Variants in RSPO2 observed in about 807,000 individuals in gnomAD.
RSPO2 encodes the protein R-spondin 2, also known as R-spondin-2.
RSPO2 carries 14 observed loss-of-function variants against 30.9 expected under a neutral mutation model. The ratio of observed to expected loss-of-function variants is 0.45; its 90% CI spans 0.30 to 0.71. The LOEUF (loss-of-function observed/expected upper bound fraction) is 0.71, where lower values mean the gene tolerates loss of function less well. Among genes scored for constraint, RSPO2 ranks in the 30% least tolerant of loss-of-function variants. RSPO2 has a pLI of 0.08. For missense variants in RSPO2, 264 were observed against 301.9 expected, an observed-to-expected ratio of 0.87 and a Z score of 0.93; for synonymous variants, 107 against 96.4, an observed-to-expected ratio of 1.11 and a Z score of -0.64.
At chr8:107,978,294 G>GT (rs1402786328) in intron 3 of RSPO2, among the ~76,000 whole-genome samples, 1 of 152,114 alleles carries the variant, frequency 6.6e-6, no homozygotes, top group Non-Finnish European at 1.5e-5. Flanking sequence ...GGGCATGGTG[G>GT]TTGGCATCTG....
chr8:107,916,730 AG>A (rs1355236428), intron 5 of RSPO2, among the ~76,000 whole-genome samples: 2 of 152,182 alleles, frequency 1.3e-5, no homozygotes, highest in East Asian at 3.9e-4. Context: ...TAAGATTTGA[AG>A]GGAATTATTT....
At chr8:107,976,043 G>T (rs568281136) in intron 3 of RSPO2, among the ~76,000 whole-genome samples, 1 of 152,312 alleles carries the variant, frequency 6.6e-6, no homozygotes, top group African/African-American at 2.4e-5. Context: ...CAGCTGGCAG[G>T]AGCCTGTTAA....
chr8:107,965,901 C>T (rs918752664), intron 3 of RSPO2, among the ~76,000 whole-genome samples: 1 of 152,280 alleles, frequency 6.6e-6, no homozygotes, highest in Admixed American at 6.5e-5. Flanking sequence ...GAGAATGTAA[C>T]TATCAAAGGA....
chr8:107,993,973 G>C (rs917935528), intron 2 of RSPO2, among the ~76,000 whole-genome samples: 1 of 151,846 alleles, frequency 6.6e-6, no homozygotes, highest in Non-Finnish European at 1.5e-5. Flanking sequence ...CATCATCTTC[G>C]TTGCATCTGC....
chr8:108,073,892 T>C (rs1367036635), intron 2 of RSPO2, among the ~76,000 whole-genome samples: 2 of 152,216 alleles, frequency 1.3e-5, no homozygotes, highest in Non-Finnish European at 2.9e-5. Context: ...AAAACAATTA[T>C]GTGTATCACT....
At chr8:107,913,709 CAT>C (rs1811892276) in intron 5 of RSPO2, among the ~76,000 whole-genome samples, 1 of 150,066 alleles carries the variant, frequency 6.7e-6, no homozygotes, top group Non-Finnish European at 1.5e-5. Flanking sequence ...AACACGAGAA[CAT>C]AGTTAATTAT....
At chr8:107,958,319 T>A in intron 4 of RSPO2, 51 bp from the exon 5 acceptor site, 1 of 1,448,912 alleles carries the variant, frequency 6.9e-7, no homozygotes, top group South Asian at 1.2e-5. Context: ...CATAAGTTAG[T>A]ATCCATTTGC....
At chr8:107,918,326 G>A (rs1447515092) in intron 5 of RSPO2, among the ~76,000 whole-genome samples, 1 of 152,126 alleles carries the variant, frequency 6.6e-6, no homozygotes, top group East Asian at 1.9e-4. Flanking sequence ...TGGCGGTGTA[G>A]TTGTTTGCAT....
At chr8:107,925,936 G>C (rs1812355383) in intron 5 of RSPO2, among the ~76,000 whole-genome samples, 1 of 152,050 alleles carries the variant, frequency 6.6e-6, no homozygotes, top group South Asian at 2.1e-4. Flanking sequence ...GAGATGGCTG[G>C]GTCAAATAGT....
chr8:107,904,612 T>C (rs1316655017), intron 5 of RSPO2, among the ~76,000 whole-genome samples: 17 of 152,008 alleles, frequency 1.1e-4, no homozygotes, highest in Admixed American at 8.5e-4. Context: ...GGCAATGCAA[T>C]GTGGTTTAGA....
chr8:108,055,376 C>T (rs1439033873), intron 2 of RSPO2, among the ~76,000 whole-genome samples: 3 of 151,894 alleles, frequency 2.0e-5, no homozygotes, highest in Admixed American at 6.6e-5. Flanking sequence ...CCAGGCTAGG[C>T]GAGGAGTTTG....
At chr8:108,052,567 T>C (rs1052251199) in intron 2 of RSPO2, among the ~76,000 whole-genome samples, 2 of 152,176 alleles carry the variant, frequency 1.3e-5, no homozygotes, top group East Asian at 1.9e-4. Context: ...TAACCTGTTA[T>C]GGGAAGCAAA....
chr8:108,005,181 T>G (rs1815410747), intron 2 of RSPO2, among the ~76,000 whole-genome samples: 1 of 152,178 alleles, frequency 6.6e-6, no homozygotes, highest in Admixed American at 6.5e-5. Context: ...TTTTTTTCTG[T>G]GCATCATCTT....
intron 2 of RSPO2, among the ~76,000 whole-genome samples, chr8:108,062,320 A>G (rs1048744676): frequency 3.3e-5 from 5 of 151,842 alleles, no homozygotes; most frequent in African/African-American, 9.7e-5. Flanking sequence ...AGAGAGAAGA[A>G]TCAAATAGAT....
intron 3 of RSPO2, chr8:107,983,549 T>G (rs1814522294): frequency 2.5e-6 from 4 of 1,599,958 alleles, no homozygotes; most frequent in Non-Finnish European, 3.4e-6. Context: ...CTATATTTAC[T>G]TCAGCAAAAG....
rs778185106 is a variant in RSPO2, at chr8:107,989,093, G to A, written c.246C>T (p.Tyr82=). 2.4e-5 allele frequency: 39 copies of A among 1,609,460 alleles called. No individual in the cohort carries two copies. In the Admixed American group the frequency reaches 2.9e-4, roughly 12 times the overall value. ...TCATATCTGGGGCTCGGTGTCCATA[G>A]TACCCGGATGGGCAGGAATGCAGGC... ...GECLHSCPSG[Y]YGHRAPDMNR... is the part of the protein sequence containing the mutation. The change falls in exon 3 of 6, where the codon TAC becomes TAT. Residue 82 remains tyrosine, a synonymous_variant. Transcript: ENST00000276659.
intron 2 of RSPO2, among the ~76,000 whole-genome samples, chr8:108,047,382 G>A (rs1811936938): frequency 6.6e-6 from 1 of 152,170 alleles, no homozygotes; most frequent in African/African-American, 2.4e-5. Flanking sequence ...TGAAAGAAGT[G>A]CTATCTTGTG....
intron 2 of RSPO2, among the ~76,000 whole-genome samples, chr8:108,029,017 T>C (rs1160896422): frequency 7.0e-6 from 1 of 142,530 alleles, no homozygotes; most frequent in Non-Finnish European, 1.5e-5. Flanking sequence ...TGGTACTTAC[T>C]AGAGCAGGGT....
intron 5 of RSPO2, among the ~76,000 whole-genome samples, chr8:107,932,137 C>T (rs1812571027): frequency 6.6e-6 from 1 of 152,060 alleles, no homozygotes; most frequent in South Asian, 2.1e-4. Flanking sequence ...TAATAAATAC[C>T]TATTCTCCTA....
Sources: gnomAD v4.1 joint callset for allele counts (sites outside exome capture counted in the v4.1 genomes callset) on GRCh38, gnomAD v4.1.1 for gene constraint, MANE v1.5 for transcripts, NCBI Gene and HGNC (gene_info 2026-07-23, HGNC 2026-07-21) for gene names.